Variants in PRICKLE2 observed in about 807,000 individuals in gnomAD.
The protein encoded by PRICKLE2 is prickle-like protein 2.
PRICKLE2 carries 21 observed loss-of-function variants against 81.4 expected under a neutral mutation model. The observed-to-expected ratio is 0.26, with a 90% CI of 0.18 to 0.37. The LOEUF (loss-of-function observed/expected upper bound fraction) is 0.37. PRICKLE2 is among the 10% of genes least tolerant of loss of function. PRICKLE2 has a pLI of 1.00. For synonymous variants in PRICKLE2, 456 were observed against 421.5 expected (o/e 1.08, Z -1.00); for missense variants, 940 against 1,109.0 (o/e 0.85, Z 2.16).
chr3:64,162,601 T>C (rs1013967489), intron 3 of PRICKLE2, among the ~76,000 whole-genome samples: 1 of 152,216 alleles, frequency 6.6e-6, no homozygotes, highest in Non-Finnish European at 1.5e-5. Context: ...TCATTTAATA[T>C]GAAATGATGC....
intron 2 of PRICKLE2, among the ~76,000 whole-genome samples, chr3:64,168,400 T>A (rs1365574583): frequency 1.3e-5 from 2 of 152,012 alleles, no homozygotes; most frequent in Non-Finnish European, 2.9e-5. Flanking sequence ...AAAAATCTCA[T>A]AATGTTTTAA....
At chr3:64,206,217 T>C (rs1479080141) in intron 1 of PRICKLE2, among the ~76,000 whole-genome samples, 2 of 152,164 alleles carry the variant, frequency 1.3e-5, no homozygotes, top group Non-Finnish European at 2.9e-5. Context: ...CTCAGGAATG[T>C]GCATTTTCAC....
At chr3:64,213,658 G>T (rs749944780) in intron 1 of PRICKLE2, among the ~76,000 whole-genome samples, 1 of 152,128 alleles carries the variant, frequency 6.6e-6, no homozygotes, top group African/African-American at 2.4e-5. Flanking sequence ...AGGGGCATAA[G>T]GTCAGTTTGG....
intron 1 of PRICKLE2, among the ~76,000 whole-genome samples, chr3:64,210,503 C>T (rs2078767803): frequency 6.6e-6 from 1 of 152,186 alleles, no homozygotes; most frequent in Non-Finnish European, 1.5e-5. Flanking sequence ...ACCACACTGC[C>T]TGGTCCTATC....
chr3:64,265,581 C>T (rs1327367946), intron 2 of PRICKLE2, among the ~76,000 whole-genome samples: 1 of 152,184 alleles, frequency 6.6e-6, no homozygotes, highest in African/African-American at 2.4e-5. Flanking sequence ...TCTCTGCATA[C>T]ACAGCTACAC....
At position 64,141,696 on chromosome 3, in the gene PRICKLE2, G is replaced by A; in HGVS notation, c.1660+5134C>T. On this transcript the variant is annotated intron_variant, in intron 7 of 7. Coordinates refer to ENST00000638394, the MANE Select transcript of PRICKLE2 (RefSeq NM_198859.4). ...ACACTCCCAGTTCTAAACACATTGGGAGAGGCCAAAGCCCAGATCTGAGGC... is the reference window on the plus strand; with the variant it reads ...ACACTCCCAGTTCTAAACACATTGGAAGAGGCCAAAGCCCAGATCTGAGGC... The A allele has an allele frequency of 5.9e-6, 3 of 505,322 alleles. No homozygotes were observed. In the South Asian group the frequency reaches 2.5e-4, roughly 43 times the overall value. 31.3% of individuals were successfully genotyped at this position (505,322 alleles called of 1,614,324 possible).
rs550808708 is a variant in PRICKLE2 at position 64,110,959 on chromosome 3, CAA to C, written c.1661-11036_1661-11035del. Among the ~76,000 whole-genome samples the C allele has an allele frequency of 4.1e-3, 263 of 63,798 alleles. 2 individuals are homozygous for C. Among genetic ancestry groups the C allele is most frequent in the African/African-American group, 0.016 (209 of 12,928 alleles). 41.9% of individuals were successfully genotyped at this position (63,798 alleles called of 152,430 possible). A position where few individuals can be genotyped will look rare whatever the true frequency, so the allele number is the denominator to read the frequency against. On this transcript the variant is annotated intron_variant, in intron 7 of 7. Coordinates refer to ENST00000638394, the MANE Select transcript of PRICKLE2 (RefSeq NM_198859.4). ...CCTGGGAGACAGACAGACTCCATCT[CAA>C]AAAAAAAAAAAAAAAAAAAAAAAGT...
chr3:64,163,379 T>C (rs1484404561), intron 2 of PRICKLE2: 1 of 543,928 alleles, frequency 1.8e-6, no homozygotes, highest in African/African-American at 1.9e-5. Flanking sequence ...GCTAGTAAAT[T>C]TTCCTAGAAA....
In PRICKLE2 at chr3:64,225,190, A is replaced by G. The variant is rs1168769376; in HGVS notation, c.-321T>C. 1.7e-5 allele frequency: 17 copies of G among 985,386 alleles called. No individual in the cohort carries two copies. The highest frequency in any genetic ancestry group is 2.0e-5 in the Non-Finnish European group (17 of 829,954). The allele number at this position is 985,386 out of a possible 1,614,324, so 61.0% of individuals were successfully genotyped here. ...ATTCACCAAGCAAGAGAAAAAAAGT[A>G]TGACTTCTACTCTTCCTCTAGATCA... On this transcript the variant is annotated 5_prime_UTR_variant, in exon 1 of 8. Coordinates refer to ENST00000638394, the MANE Select transcript of PRICKLE2 (RefSeq NM_198859.4).
chr3:64,110,118 T>C (rs975854305), intron 7 of PRICKLE2, among the ~76,000 whole-genome samples: 4 of 152,354 alleles, frequency 2.6e-5, no homozygotes, highest in African/African-American at 9.6e-5. Context: ...ATTCTGGTTG[T>C]ATTGCCACAA....
intron 7 of PRICKLE2, among the ~76,000 whole-genome samples, chr3:64,128,908 G>A (rs896668935): frequency 6.7e-6 from 1 of 148,374 alleles, no homozygotes; most frequent in Non-Finnish European, 1.5e-5. Flanking sequence ...GGTTATGGCA[G>A]GGATTTTTTA....
chr3:64,267,436 G>A (rs1440400056), intron 2 of PRICKLE2, among the ~76,000 whole-genome samples: 1 of 151,270 alleles, frequency 6.6e-6, no homozygotes, highest in Non-Finnish European at 1.5e-5. Context: ...AAAGGTATGT[G>A]GGAAGAAGTA....
rs527896043 is a variant in PRICKLE2 at position 64,113,313 on chromosome 3, G to A, written c.1661-13388C>T. ...CCTAGAAGAACTGTTGGACCTGATC[G>A]CTGAAGGGTGGTCTTGCACATCAGA... On this transcript the variant is annotated intron_variant, in intron 7 of 7. Transcript: ENST00000638394. 2.2e-4 allele frequency among the ~76,000 whole-genome samples: 34 copies of A among 152,278 alleles called. 1 individual carries two copies. Among genetic ancestry groups the A allele is most frequent in the African/African-American group, 6.3e-4 (26 of 41,554 alleles).
intron 7 of PRICKLE2, among the ~76,000 whole-genome samples, chr3:64,140,587 G>C (rs1295294470): frequency 6.6e-5 from 10 of 152,190 alleles, no homozygotes; most frequent in Non-Finnish European, 1.3e-4. Flanking sequence ...AAGGCAGCCA[G>C]TTCCAATTCC....
At chr3:64,106,738 CTTG>C (rs1432558420) in intron 7 of PRICKLE2, among the ~76,000 whole-genome samples, 1 of 152,172 alleles carries the variant, frequency 6.6e-6, no homozygotes, top group Non-Finnish European at 1.5e-5. Flanking sequence ...TTTTTCTTTT[CTTG>C]TTGTTTAAGC....
At chr3:64,193,350 C>G (rs978794533) in intron 2 of PRICKLE2, among the ~76,000 whole-genome samples, 6 of 152,086 alleles carry the variant, frequency 3.9e-5, no homozygotes, top group African/African-American at 1.4e-4. Context: ...CTAGTGGAGT[C>G]CCCTAGTCAT....
intron 4 of PRICKLE2, 62 bp downstream of exon 4, chr3:64,159,878 T>G (rs1212702043): frequency 6.2e-7 from 1 of 1,606,596 alleles, no homozygotes. Flanking sequence ...AATTGTTGGA[T>G]GAATGAATGG....
At chr3:64,114,102 G>A (rs1196756051) in intron 7 of PRICKLE2, among the ~76,000 whole-genome samples, 1 of 152,084 alleles carries the variant, frequency 6.6e-6, no homozygotes, top group Non-Finnish European at 1.5e-5. Flanking sequence ...GTTGGGAGCT[G>A]GGTGTTGGCC....
At chr3:64,101,416 A>G (rs1197128821) in intron 7 of PRICKLE2, 3 of 152,234 alleles carry the variant, frequency 2.0e-5, no homozygotes, top group Non-Finnish European at 4.4e-5. Context: ...CAAGGAAATT[A>G]AAAGAACCAG....
Sources: gnomAD v4.1 joint callset for allele counts (sites outside exome capture counted in the v4.1 genomes callset) on GRCh38, gnomAD v4.1.1 for gene constraint, MANE v1.5 for transcripts, NCBI Gene and HGNC (gene_info 2026-07-23, HGNC 2026-07-21) for gene names.